PUM1: variants seen among roughly 807,000 people sequenced by gnomAD.
PUM1 encodes pumilio RNA binding family member 1.
Under a neutral mutation model 131.8 loss-of-function variants are expected in PUM1, and 13 were observed. That is an observed-to-expected ratio of 0.10 (90% CI 0.06 to 0.16). PUM1 has a LOEUF of 0.16. Ranked by LOEUF, PUM1 falls within the 10% of genes least tolerant of loss-of-function variation. The pLI is 1.00. For synonymous variants in PUM1, 509 were observed against 556.5 expected, an observed-to-expected ratio of 0.91 and a Z score of 1.20; for missense variants, 961 against 1,512.4, an observed-to-expected ratio of 0.64 and a Z score of 6.05.
At chr1:31,021,450 A>C (rs1179764406) in intron 3 of PUM1, among the ~76,000 whole-genome samples, 3 of 152,228 alleles carry the variant, frequency 2.0e-5, no homozygotes, top group Non-Finnish European at 4.4e-5. Context: ...AGGAAAAAAT[A>C]TTTACTGATA....
chr1:30,960,477 T>G (rs563656359), intron 14 of PUM1, among the ~76,000 whole-genome samples: 13 of 152,302 alleles, frequency 8.5e-5, no homozygotes, highest in African/African-American at 3.1e-4. Flanking sequence ...GATGATATGA[T>G]CTTATATGTA....
intron 5 of PUM1, among the ~76,000 whole-genome samples, chr1:30,999,230 C>T (rs996584844): frequency 1.3e-5 from 2 of 152,102 alleles, no homozygotes; most frequent in African/African-American, 4.8e-5. Flanking sequence ...AAACACCTGG[C>T]TTCAAGTGAT....
At chr1:31,025,391 T>C (rs1643182478) in intron 3 of PUM1, among the ~76,000 whole-genome samples, 1 of 152,110 alleles carries the variant, frequency 6.6e-6, no homozygotes, top group South Asian at 2.1e-4. Context: ...ATAACTAGCA[T>C]TTACCCTAAT....
In PUM1 at chr1:31,037,838, C is replaced by G. The variant is rs115854959; in HGVS notation, c.364-8974G>C. Among the ~76,000 whole-genome samples the G allele has an allele frequency of 3.5e-3, 540 of 152,134 alleles. 3 individuals carry two copies. The highest frequency in any genetic ancestry group is 0.012 in the African/African-American group (511 of 41,512). The stretch of plus-strand genomic sequence containing the variant: ...GGCCAAGGTGGGCAGATCACGAGGT[C>G]AGGAGATCATCTGGCTAACACAGTC... On this transcript the variant is annotated intron_variant, in intron 2 of 21. Transcript: ENST00000426105.
intron 9 of PUM1, among the ~76,000 whole-genome samples, chr1:30,977,153 T>A (rs567809673): frequency 6.6e-6 from 1 of 152,318 alleles, no homozygotes; most frequent in Non-Finnish European, 1.5e-5. Context: ...CTGGGGGTAA[T>A]TTTACTTTTC....
At chr1:31,057,327 A>G (rs560466542) in intron 2 of PUM1, among the ~76,000 whole-genome samples, 1 of 146,372 alleles carries the variant, frequency 6.8e-6, no homozygotes, top group South Asian at 2.2e-4. Flanking sequence ...CGCTTGAACC[A>G]GGGAGACCGT....
chr1:30,944,466 G>A (rs920839932), intron 18 of PUM1, among the ~76,000 whole-genome samples: 1 of 152,028 alleles, frequency 6.6e-6, no homozygotes, highest in Non-Finnish European at 1.5e-5. Context: ...TCTGGAAAAA[G>A]GTATTTACAT....
At chr1:31,050,214 G>A (rs1474459368) in intron 2 of PUM1, among the ~76,000 whole-genome samples, 2 of 152,130 alleles carry the variant, frequency 1.3e-5, no homozygotes, top group Admixed American at 6.5e-5. Context: ...GGCCAGGTAC[G>A]TGGCTCACAC....
At chr1:30,997,459 T>C (rs1168390426) in intron 5 of PUM1, among the ~76,000 whole-genome samples, 3 of 150,060 alleles carry the variant, frequency 2.0e-5, no homozygotes, top group African/African-American at 7.4e-5. Context: ...GATCACACCA[T>C]TGCACTCCAG....
chr1:31,026,328 GC>G (rs1314026195), intron 3 of PUM1, among the ~76,000 whole-genome samples: 1 of 151,462 alleles, frequency 6.6e-6, no homozygotes, highest in African/African-American at 2.4e-5. Flanking sequence ...TCCCGTTGCT[GC>G]AAAAAAAATT....
chr1:31,019,646 C>T (rs1461945435), intron 3 of PUM1, among the ~76,000 whole-genome samples: 1 of 152,224 alleles, frequency 6.6e-6, no homozygotes, highest in Non-Finnish European at 1.5e-5. Flanking sequence ...CTCCCATACA[C>T]GTGCCCTTCT....
chr1:30,933,369 C>G, intron 21 of PUM1, 27 bp from the exon 22 acceptor site: 1 of 1,590,028 alleles, frequency 6.3e-7, no homozygotes, highest in Non-Finnish European at 8.6e-7. Context: ...GTCTGTGTTA[C>G]ATGGCCTGAG....
chr1:31,045,402 T>G (rs575677186), intron 2 of PUM1, among the ~76,000 whole-genome samples: 1 of 152,234 alleles, frequency 6.6e-6, no homozygotes, highest in South Asian at 2.1e-4. Context: ...CCTCCCAAAG[T>G]GCTGGGAATT....
intron 2 of PUM1, among the ~76,000 whole-genome samples, chr1:31,040,740 T>A (rs549846216): frequency 6.6e-6 from 1 of 152,092 alleles, no homozygotes; most frequent in East Asian, 1.9e-4. Flanking sequence ...CACCCTCATC[T>A]CTAAAACTAA....
At chr1:31,052,829 G>C (rs183682397) in intron 2 of PUM1, among the ~76,000 whole-genome samples, 8 of 150,160 alleles carry the variant, frequency 5.3e-5, no homozygotes, top group Non-Finnish European at 8.9e-5. Context: ...TCAGCCTCTC[G>C]AGCAGCTGGA....
In PUM1 at chr1:31,045,939, G is replaced by A. The variant is rs192728489; in HGVS notation, c.363+13265C>T. The stretch of plus-strand genomic sequence containing the variant: ...TCTACTAAAAATACAAAAATTAGCT[G>A]GACGTGGTGGTGCATGCTTGTAATC... On this transcript the variant is annotated intron_variant, in intron 2 of 21. Transcript: ENST00000426105. Among the ~76,000 whole-genome samples, 135 of 152,250 alleles carry A rather than the reference G, an allele frequency of 8.9e-4. 1 individual carries two copies. The highest frequency in any genetic ancestry group is 3.5e-3 in the Admixed American group (54 of 15,274).
At position 30,941,227 on chromosome 1, in the gene PUM1, G is replaced by C; in HGVS notation, c.3166C>G (p.Arg1056Gly). 6.2e-7 allele frequency: 1 copy of C among 1,612,180 alleles called. No homozygotes were observed. Among genetic ancestry groups the C allele is most frequent in the Non-Finnish European group, 8.5e-7 (1 of 1,178,388 alleles). ...YVIQHVLEHG[R>G]PEDKSKIVAE... ...ACAATTTTGCTTTTATCCTCAGGAC[G>C]ACCGTGCTCCAGTACATGTTGGATT... The change falls in exon 20 of 22, where the codon CGT becomes GGT. Residue 1056 changes from arginine (R) to glycine (G), a missense_variant. Arg to Gly is a moderately radical substitution (Grantham distance 125, BLOSUM62 -2). Around this residue, in one of 4 missense-constraint regions of PUM1, gnomAD observed 178 missense variants for 327.5 expected, o/e 0.54. Transcript: ENST00000426105.
At chr1:30,935,369 T>C (rs1320323764) in intron 21 of PUM1, among the ~76,000 whole-genome samples, 1 of 152,218 alleles carries the variant, frequency 6.6e-6, no homozygotes, top group African/African-American at 2.4e-5. Flanking sequence ...GAAGACACCC[T>C]GCCCATTCCT....
rs964473189 is a variant in PUM1, at chr1:30,932,398, GT to G, written c.*812del. On this transcript the variant is annotated 3_prime_UTR_variant, in exon 22 of 22. Transcript: ENST00000426105. ...TTATAGAAGCAAGACCAAAAGCAGA[GT>G]TGGATTTTTTTTTCTCATGCTAAAT... The G allele has an allele frequency of 2.0e-5, 3 of 151,810 alleles. No homozygotes were observed. The highest frequency in any genetic ancestry group is 6.6e-5 in the Admixed American group (1 of 15,224). 9.4% of individuals were successfully genotyped at this position (151,810 alleles called of 1,614,324 possible).
Sources: allele counts gnomAD v4.1 joint callset (sites outside exome capture counted in the v4.1 genomes callset), GRCh38; gene constraint gnomAD v4.1.1; regional missense constraint gnomAD v4.1.1; transcripts MANE v1.5; gene names NCBI Gene and HGNC (gene_info 2026-07-23, HGNC 2026-07-21).